CMSS1: variants seen among roughly 807,000 people sequenced by gnomAD.
The protein encoded by CMSS1 is protein CMSS1.
A neutral mutation model predicts 43.5 loss-of-function variants in CMSS1; 33 were observed. The ratio of observed to expected loss-of-function variants is 0.76; its 90% confidence interval spans 0.57 to 1.01. The LOEUF (loss-of-function observed/expected upper bound fraction) is 1.01, where lower values mean the gene tolerates loss of function less well. Among genes scored for constraint, CMSS1 ranks in the 50% least tolerant of loss-of-function variants. The probability of loss-of-function intolerance (pLI) is 0.00; values close to 1 mark genes in which losing one functional copy is unlikely to be tolerated. For synonymous variants in CMSS1, 115 were observed against 117.2 expected, an observed-to-expected ratio of 0.98 and a Z score of 0.12; for missense variants, 313 against 326.4, an observed-to-expected ratio of 0.96 and a Z score of 0.32.
chr3:99,898,166 A>C (rs142356921), intron 1 of CMSS1: 1 of 152,358 alleles, frequency 6.6e-6, no homozygotes, highest in Non-Finnish European at 1.5e-5. Flanking sequence ...TAGATATGAT[A>C]CAATATTTTT....
intron 1 of CMSS1, among the ~76,000 whole-genome samples, chr3:100,079,663 G>T (rs2065901786): frequency 6.6e-6 from 1 of 152,024 alleles, no homozygotes; most frequent in South Asian, 2.1e-4. Flanking sequence ...TCATTGTGAG[G>T]TTCCATTATT....
intron 1 of CMSS1, among the ~76,000 whole-genome samples, chr3:100,126,392 T>C (rs1251798289): frequency 3.3e-5 from 5 of 152,220 alleles, no homozygotes; most frequent in African/African-American, 1.2e-4. Flanking sequence ...GTACTTCTCT[T>C]GAGTAATTGA....
At chr3:99,992,201 G>T (rs1310388953) in intron 1 of CMSS1, among the ~76,000 whole-genome samples, 3 of 152,026 alleles carry the variant, frequency 2.0e-5, no homozygotes, top group East Asian at 3.9e-4. Context: ...TGAAATTGCT[G>T]AATCAAATGG....
intron 1 of CMSS1, among the ~76,000 whole-genome samples, chr3:99,942,778 GAC>G (rs1444852622): frequency 1.3e-5 from 2 of 151,728 alleles, no homozygotes; most frequent in Non-Finnish European, 2.9e-5. Context: ...GCAGTGAGCC[GAC>G]ACAGTGCCAC....
chr3:100,153,261 T>C (rs922804875), intron 2 of CMSS1, among the ~76,000 whole-genome samples: 3 of 152,244 alleles, frequency 2.0e-5, no homozygotes, highest in African/African-American at 7.2e-5. Flanking sequence ...AAAAATTAAT[T>C]TTGCCTATTC....
At chr3:100,078,333 C>T (rs1212146888) in intron 1 of CMSS1, among the ~76,000 whole-genome samples, 1 of 152,098 alleles carries the variant, frequency 6.6e-6, no homozygotes, top group African/African-American at 2.4e-5. Context: ...TAGAACTTTG[C>T]CTAATTTTTT....
chr3:99,826,593 G>A (rs1198692913), intron 1 of CMSS1, among the ~76,000 whole-genome samples: 3 of 152,140 alleles, frequency 2.0e-5, no homozygotes, highest in Admixed American at 6.6e-5. Flanking sequence ...GTTTGCAAAC[G>A]CTGCCCCAAA....
chr3:100,158,951 G>A (rs1296097498), intron 2 of CMSS1, among the ~76,000 whole-genome samples: 2 of 152,180 alleles, frequency 1.3e-5, no homozygotes, highest in South Asian at 2.1e-4. Context: ...CTTGATACTG[G>A]TAGAGATAAT....
intron 1 of CMSS1, among the ~76,000 whole-genome samples, chr3:100,077,103 T>A (rs996518203): frequency 6.6e-6 from 1 of 152,236 alleles, no homozygotes; most frequent in Non-Finnish European, 1.5e-5. Context: ...CAGACAGCTG[T>A]GTTTTGCATT....
At chr3:99,874,591 A>G (rs1705411630) in intron 1 of CMSS1, 1 of 152,200 alleles carries the variant, frequency 6.6e-6, no homozygotes, top group Admixed American at 6.5e-5. Flanking sequence ...TTCTTTTAAA[A>G]TATGAAAACC....
At chr3:99,845,155 T>C (rs919825429) in intron 1 of CMSS1, among the ~76,000 whole-genome samples, 3 of 152,198 alleles carry the variant, frequency 2.0e-5, no homozygotes, top group Non-Finnish European at 4.4e-5. Flanking sequence ...TTCTTTCTTA[T>C]GTGTACAGAT....
At position 100,107,898 on chromosome 3, in the gene CMSS1, T is replaced by A. The variant is rs559350913; in HGVS notation, c.65-39075T>A. ...GAATTAAAAAAAAAAAAAAAAAAGT[T>A]ACTTGCTTAGGGCCAGAGAATCTCA... On this transcript the variant is annotated intron_variant, in intron 1 of 9. Transcript: ENST00000421999. Among the ~76,000 whole-genome samples the A allele has an allele frequency of 6.0e-5, 9 of 151,024 alleles. No homozygotes were observed. In the East Asian group the frequency reaches 1.5e-3, roughly 26 times the overall value.
At chr3:99,852,081 C>T (rs879694771) in intron 1 of CMSS1, among the ~76,000 whole-genome samples, 1 of 152,162 alleles carries the variant, frequency 6.6e-6, no homozygotes, top group East Asian at 1.9e-4. Flanking sequence ...GTCAGCATAA[C>T]AGGAGGGTAT....
At chr3:99,984,522 G>T (rs551384265) in intron 1 of CMSS1, among the ~76,000 whole-genome samples, 1 of 152,248 alleles carries the variant, frequency 6.6e-6, no homozygotes, top group Admixed American at 6.5e-5. Context: ...TGTGGTCAGT[G>T]GTCCTCTAGC....
At chr3:100,112,517 C>A (rs1240723623) in intron 1 of CMSS1, among the ~76,000 whole-genome samples, 1 of 152,156 alleles carries the variant, frequency 6.6e-6, no homozygotes, top group African/African-American at 2.4e-5. Context: ...AAATTTATTG[C>A]TAATTTATTG....
At chr3:100,124,760 G>C (rs577637527) in intron 1 of CMSS1, among the ~76,000 whole-genome samples, 2 of 152,174 alleles carry the variant, frequency 1.3e-5, no homozygotes, top group Non-Finnish European at 2.9e-5. Context: ...TAAACACAAG[G>C]CTCTGGGGAC....
At chr3:99,858,547 GA>G (rs1355330629) in intron 1 of CMSS1, among the ~76,000 whole-genome samples, 1 of 152,058 alleles carries the variant, frequency 6.6e-6, no homozygotes, top group African/African-American at 2.4e-5. Context: ...ATATTTTTAT[GA>G]AAAAATACTT....
In CMSS1 at chr3:100,167,808, C is replaced by T. The variant is rs763439803; in HGVS notation, c.486C>T (p.Cys162=). 6 of 1,613,034 alleles carry T rather than the reference C, an allele frequency of 3.7e-6. No individual in the cohort carries two copies. The Admixed American group carries it at 8.4e-5, about 23-fold the overall frequency. Reference sequence around the variant, plus strand: ...AATCGGTCCTGATGCTGATCATCTGCAGCTCGGCCGTCCGAGCCCTGGAGC... The same window carrying T: ...AATCGGTCCTGATGCTGATCATCTGTAGCTCGGCCGTCCGAGCCCTGGAGC... ...EKKSVLMLII[C]SSAVRALELI... is the part of the protein sequence containing the mutation. Residue 162 remains cysteine (C), a synonymous_variant, in exon 6 of 10, where the codon TGC becomes TGT. Transcript: ENST00000421999.
chr3:99,885,713 T>C (rs17338443), intron 1 of CMSS1, among the ~76,000 whole-genome samples: 4,298 of 152,310 alleles, frequency 0.028, 75 homozygotes, highest in Non-Finnish European at 0.045. Flanking sequence ...GTTGAAACTT[T>C]GTGGAACAGA....
Sources: gnomAD v4.1 joint callset for allele counts (sites outside exome capture counted in the v4.1 genomes callset) on GRCh38, gnomAD v4.1.1 for gene constraint, MANE v1.5 for transcripts, NCBI Gene and HGNC (gene_info 2026-07-23, HGNC 2026-07-21) for gene names.